Variants in DENND1A observed in about 807,000 individuals in gnomAD.
DENND1A encodes the protein DENN domain containing 1A.
In DENND1A, 51 loss-of-function variants were observed where a neutral mutation model predicts 113.7. The ratio of observed to expected loss-of-function variants is 0.45; its 90% CI spans 0.36 to 0.57. The LOEUF (loss-of-function observed/expected upper bound fraction) is 0.57, where lower values mean the gene tolerates loss of function less well. Ranked by LOEUF, DENND1A falls within the 20% of genes least tolerant of loss-of-function variation. The pLI is 0.00. For missense variants in DENND1A, 1,258 were observed against 1,395.9 expected (o/e 0.90, Z 1.57); for synonymous variants, 565 against 570.8 (o/e 0.99, Z 0.14).
intron 13 of DENND1A, among the ~76,000 whole-genome samples, chr9:123,494,475 A>T (rs2051680695): frequency 6.6e-6 from 1 of 152,204 alleles, no homozygotes; most frequent in Admixed American, 6.5e-5. Flanking sequence ...ACTAGAAACC[A>T]GGACTCCTGA....
intron 1 of DENND1A, among the ~76,000 whole-genome samples, chr9:123,895,621 CAA>C (rs541744618): frequency 1.0e-4 from 11 of 108,254 alleles, no homozygotes; most frequent in Admixed American, 2.0e-4. Flanking sequence ...GACTCTGACT[CAA>C]AAAAAAAAAA....
intron 10 of DENND1A, among the ~76,000 whole-genome samples, chr9:123,610,669 A>G (rs1052787856): frequency 3.9e-5 from 6 of 152,218 alleles, no homozygotes; most frequent in Non-Finnish European, 5.9e-5. Flanking sequence ...GAACCTAGAG[A>G]AAAGACACCT....
At chr9:123,809,817 T>C (rs924989493) in intron 2 of DENND1A, among the ~76,000 whole-genome samples, 6 of 152,134 alleles carry the variant, frequency 3.9e-5, no homozygotes, top group Non-Finnish European at 8.8e-5. Context: ...ATTACAGGCA[T>C]GCACCACCCT....
intron 13 of DENND1A, among the ~76,000 whole-genome samples, chr9:123,552,018 C>CGAGAGAGA (rs10657747): frequency 9.3e-5 from 11 of 118,654 alleles, no homozygotes; most frequent in Non-Finnish European, 9.2e-5. Context: ...AGAGCGAGAG[C>CGAGAGAGA]GAGAGAGAGA....
intron 5 of DENND1A, among the ~76,000 whole-genome samples, chr9:123,712,793 G>A (rs1034885638): frequency 6.6e-6 from 1 of 152,224 alleles, no homozygotes; most frequent in Non-Finnish European, 1.5e-5. Context: ...ATATTAAAAT[G>A]TAGAGCTGGC....
At chr9:123,875,792 G>A (rs1198402291) in intron 2 of DENND1A, among the ~76,000 whole-genome samples, 3 of 152,172 alleles carry the variant, frequency 2.0e-5, no homozygotes, top group Non-Finnish European at 4.4e-5. Context: ...GGATGGAAGG[G>A]TTTAGTCTCC....
chr9:123,666,281 G>C (rs1250775206), intron 8 of DENND1A, among the ~76,000 whole-genome samples: 2 of 152,166 alleles, frequency 1.3e-5, no homozygotes, highest in Non-Finnish European at 2.9e-5. Flanking sequence ...ATTCTACATA[G>C]TACTATTTAT....
intron 12 of DENND1A, among the ~76,000 whole-genome samples, chr9:123,579,759 C>T (rs1323989087): frequency 6.6e-6 from 1 of 152,140 alleles, no homozygotes; most frequent in Non-Finnish European, 1.5e-5. Flanking sequence ...GCAGGGGACA[C>T]AAAGACAGGC....
intron 13 of DENND1A, among the ~76,000 whole-genome samples, chr9:123,463,692 C>T (rs1489972782): frequency 2.6e-5 from 4 of 151,904 alleles, no homozygotes; most frequent in Admixed American, 2.0e-4. Context: ...GGCGGATCAA[C>T]TGATGTCAGG....
chr9:123,791,637 C>G (rs562920681), intron 3 of DENND1A, among the ~76,000 whole-genome samples: 4 of 152,248 alleles, frequency 2.6e-5, no homozygotes, highest in African/African-American at 7.2e-5. Context: ...ACAAGACACA[C>G]TGCAAAGGTG....
chr9:123,921,857 C>T (rs894340553), intron 1 of DENND1A, among the ~76,000 whole-genome samples: 1 of 152,028 alleles, frequency 6.6e-6, no homozygotes, highest in Non-Finnish European at 1.5e-5. Flanking sequence ...TTGCCTCTTA[C>T]GTGTAATTTG....
chr9:123,579,287 C>A (rs536486116), intron 12 of DENND1A, among the ~76,000 whole-genome samples: 1 of 152,224 alleles, frequency 6.6e-6, no homozygotes, highest in African/African-American at 2.4e-5. Context: ...ATCACACGGA[C>A]ATGAAGTGAG....
At chr9:123,757,924 C>A in intron 4 of DENND1A, 102 bp from the exon 5 acceptor site, 1 of 1,316,862 alleles carries the variant, frequency 7.6e-7, no homozygotes, top group Non-Finnish European at 1.0e-6. Context: ...TTTCCTCTCT[C>A]AGTGGAACTC....
chr9:123,836,241 C>T (rs1159209770), intron 2 of DENND1A, among the ~76,000 whole-genome samples: 2 of 152,100 alleles, frequency 1.3e-5, no homozygotes. Flanking sequence ...AAAGGTTTCA[C>T]GACACTCTCA....
At chr9:123,699,923 C>T (rs1420709615) in intron 5 of DENND1A, among the ~76,000 whole-genome samples, 5 of 152,124 alleles carry the variant, frequency 3.3e-5, no homozygotes, top group African/African-American at 1.2e-4. Flanking sequence ...GTCTCAAACT[C>T]CCAACCTCAG....
At chr9:123,473,428 C>T (rs764226306) in intron 13 of DENND1A, among the ~76,000 whole-genome samples, 1 of 152,040 alleles carries the variant, frequency 6.6e-6, no homozygotes, top group Non-Finnish European at 1.5e-5. Flanking sequence ...CTGGAGTTGT[C>T]GTGGAGACAA....
chr9:123,868,988 T>C (rs1418248217), intron 2 of DENND1A, among the ~76,000 whole-genome samples: 1 of 152,200 alleles, frequency 6.6e-6, no homozygotes, highest in African/African-American at 2.4e-5. Context: ...GAAAGGCAAA[T>C]TGAGAGAGGC....
At chr9:123,704,566 A>C (rs955197744) in intron 5 of DENND1A, among the ~76,000 whole-genome samples, 9 of 152,218 alleles carry the variant, frequency 5.9e-5, no homozygotes, top group Non-Finnish European at 1.5e-5. Context: ...AATAGCCAGA[A>C]GCATAGTTGA....
chr9:123,544,697 C>A (rs185711747), intron 13 of DENND1A, among the ~76,000 whole-genome samples: 1 of 152,210 alleles, frequency 6.6e-6, no homozygotes, highest in South Asian at 2.1e-4. Context: ...ATATAAAGAG[C>A]CTAGCATATA....
Sources: gnomAD v4.1 joint callset for allele counts (sites outside exome capture counted in the v4.1 genomes callset) on GRCh38, gnomAD v4.1.1 for gene constraint, MANE v1.5 for transcripts, NCBI Gene and HGNC (gene_info 2026-07-23, HGNC 2026-07-21) for gene names.